LUZP2: variants seen among roughly 807,000 people sequenced by gnomAD.
The protein encoded by LUZP2 is leucine zipper protein 2.
Under a neutral mutation model 51.6 loss-of-function variants are expected in LUZP2, and 52 were observed. The observed-to-expected ratio is 1.01, with a 90% CI of 0.81 to 1.27. The LOEUF is 1.27. Ranked by LOEUF, LUZP2 falls within the 50% of genes most tolerant of loss-of-function variation. The pLI, the probability that LUZP2 is intolerant of heterozygous loss-of-function variation, is 0.00. For missense variants in LUZP2, 436 were observed against 395.4 expected (o/e 1.10, Z -0.87); for synonymous variants, 154 against 137.3 (o/e 1.12, Z -0.85).
intron 4 of LUZP2, among the ~76,000 whole-genome samples, chr11:24,757,478 A>G (rs1161181585): frequency 6.6e-6 from 1 of 151,908 alleles, no homozygotes; most frequent in Non-Finnish European, 1.5e-5. Context: ...TCAAAGTAAT[A>G]CTTACTGGAT....
At chr11:24,762,370 A>C (rs1196675727) in intron 4 of LUZP2, among the ~76,000 whole-genome samples, 1 of 152,232 alleles carries the variant, frequency 6.6e-6, no homozygotes, top group African/African-American at 2.4e-5. Context: ...ATCTAAAGGC[A>C]TATAACACAA....
chr11:24,847,068 T>C (rs1394058552), intron 5 of LUZP2, among the ~76,000 whole-genome samples: 1 of 151,808 alleles, frequency 6.6e-6, no homozygotes, highest in Non-Finnish European at 1.5e-5. Context: ...ATTAATATTA[T>C]TACTTCTTTT....
chr11:24,580,310 A>G (rs565837254), intron 1 of LUZP2, among the ~76,000 whole-genome samples: 1 of 152,212 alleles, frequency 6.6e-6, no homozygotes, highest in Non-Finnish European at 1.5e-5. Flanking sequence ...TAATTGTTTC[A>G]GAAGTTGTAG....
chr11:24,932,710 C>T (rs1854490578), intron 7 of LUZP2, among the ~76,000 whole-genome samples: 2 of 152,104 alleles, frequency 1.3e-5, no homozygotes, highest in South Asian at 4.1e-4. Flanking sequence ...TGAGAACTTG[C>T]CCCAGGCTAC....
At chr11:24,633,303 A>G (rs947280457) in intron 1 of LUZP2, among the ~76,000 whole-genome samples, 2 of 152,042 alleles carry the variant, frequency 1.3e-5, no homozygotes, top group Non-Finnish European at 2.9e-5. Context: ...ATGAGGATAT[A>G]TAGGTTATTT....
chr11:24,960,778 C>A (rs1294749202), intron 7 of LUZP2, among the ~76,000 whole-genome samples: 1 of 151,948 alleles, frequency 6.6e-6, no homozygotes, highest in Non-Finnish European at 1.5e-5. Context: ...TTATTTCTTG[C>A]CTTCTGCTAG....
intron 7 of LUZP2, among the ~76,000 whole-genome samples, chr11:24,947,420 G>A (rs529019425): frequency 1.3e-5 from 2 of 151,780 alleles, no homozygotes; most frequent in South Asian, 4.2e-4. Flanking sequence ...ACACTGAATA[G>A]CTTACACTAG....
chr11:24,839,661 G>A (rs188293422), intron 5 of LUZP2, among the ~76,000 whole-genome samples: 2 of 151,554 alleles, frequency 1.3e-5, no homozygotes, highest in African/African-American at 4.8e-5. Flanking sequence ...GCATCTTACT[G>A]TTAAAACACA....
At chr11:24,875,979 G>C (rs1852248207) in intron 5 of LUZP2, among the ~76,000 whole-genome samples, 1 of 151,726 alleles carries the variant, frequency 6.6e-6, no homozygotes, top group Non-Finnish European at 1.5e-5. Flanking sequence ...ATTTGTTTGA[G>C]TTCATTGTAG....
At chr11:24,729,312 C>A in intron 2 of LUZP2, 26 bp downstream of exon 2, 4 of 1,275,274 alleles carry the variant, frequency 3.1e-6, no homozygotes, top group Admixed American at 2.1e-5. Flanking sequence ...ATTTTCCGAG[C>A]AGTAAAAGAG....
chr11:24,599,690 A>G (rs1485048422), intron 1 of LUZP2, among the ~76,000 whole-genome samples: 2 of 152,138 alleles, frequency 1.3e-5, no homozygotes, highest in African/African-American at 4.8e-5. Context: ...CATATTTCAC[A>G]GTTTTTTTCT....
At chr11:24,734,120 A>C (rs962710328) in intron 3 of LUZP2, among the ~76,000 whole-genome samples, 2 of 151,784 alleles carry the variant, frequency 1.3e-5, no homozygotes, top group African/African-American at 4.8e-5. Context: ...TGTCAAACCC[A>C]TTCAGGGTAG....
chr11:24,804,614 A>G (rs1449321344), intron 5 of LUZP2, among the ~76,000 whole-genome samples: 4 of 152,140 alleles, frequency 2.6e-5, no homozygotes, highest in African/African-American at 9.7e-5. Flanking sequence ...GCATCTCTCT[A>G]TCTTAGAGAA....
intron 9 of LUZP2, among the ~76,000 whole-genome samples, chr11:25,000,484 G>A (rs1565210971): frequency 6.6e-6 from 1 of 152,294 alleles, no homozygotes; most frequent in East Asian, 1.9e-4. Flanking sequence ...GAGCTCATTT[G>A]GGGTTCCATT....
intron 1 of LUZP2, among the ~76,000 whole-genome samples, chr11:24,716,553 C>G (rs751648480): frequency 6.6e-6 from 1 of 152,042 alleles, no homozygotes; most frequent in Non-Finnish European, 1.5e-5. Flanking sequence ...GCCTGTTTTT[C>G]AACACTTCTG....
intron 1 of LUZP2, among the ~76,000 whole-genome samples, chr11:24,688,005 C>T (rs190185131): frequency 6.6e-6 from 1 of 152,130 alleles, no homozygotes; most frequent in Admixed American, 6.5e-5. Context: ...CTCTCTCTGG[C>T]TCTCTGTCTC....
intron 1 of LUZP2, among the ~76,000 whole-genome samples, chr11:24,620,043 C>G (rs944615447): frequency 6.6e-6 from 1 of 152,074 alleles, no homozygotes; most frequent in African/African-American, 2.4e-5. Flanking sequence ...GGAAGGCTTG[C>G]CATTGTTTTC....
chr11:24,628,722 C>G (rs1015349550), intron 1 of LUZP2, among the ~76,000 whole-genome samples: 1 of 152,048 alleles, frequency 6.6e-6, no homozygotes, highest in African/African-American at 2.4e-5. Flanking sequence ...CCATGCCTAG[C>G]TAATTATTGT....
intron 1 of LUZP2, among the ~76,000 whole-genome samples, chr11:24,658,529 T>C (rs957731371): frequency 5.3e-5 from 8 of 152,126 alleles, no homozygotes; most frequent in African/African-American, 1.9e-4. Flanking sequence ...GGACTTCATG[T>C]CTAAAACACC....
Sources: gnomAD v4.1 joint callset for allele counts (sites outside exome capture counted in the v4.1 genomes callset) on GRCh38, gnomAD v4.1.1 for gene constraint, MANE v1.5 for transcripts, NCBI Gene and HGNC (gene_info 2026-07-23, HGNC 2026-07-21) for gene names.